Variants in MIOS observed in about 807,000 individuals in gnomAD.
The protein encoded by MIOS is GATOR2 complex protein MIOS.
Under a neutral mutation model 96.9 loss-of-function variants are expected in MIOS, and 52 were observed. The ratio of observed to expected loss-of-function variants is 0.54; its 90% confidence interval spans 0.43 to 0.68. MIOS has a LOEUF of 0.68. Ranked by LOEUF, MIOS falls within the 30% of genes least tolerant of loss-of-function variation. MIOS has a pLI of 0.00. For synonymous variants in MIOS, 397 were observed against 359.5 expected, an observed-to-expected ratio of 1.10 and a Z score of -1.18; for missense variants, 1,005 against 1,052.8, an observed-to-expected ratio of 0.95 and a Z score of 0.63.
intron 11 of MIOS, 84 bp from the exon 12 acceptor site, chr7:7,605,858 C>A: frequency 7.5e-7 from 1 of 1,340,758 alleles, no homozygotes; most frequent in Non-Finnish European, 1.0e-6. Flanking sequence ...ATATTTGGAA[C>A]ACAGTTTTAG....
rs1784560204 is a variant in MIOS at position 7,607,324 on chromosome 7, G to A, written c.*232G>A. 3.0e-6 allele frequency: 1 copy of A among 334,264 alleles called. No individual in the cohort carries two copies. Among genetic ancestry groups the A allele is most frequent in the Non-Finnish European group, 5.4e-6 (1 of 186,058 alleles). 20.7% of individuals were successfully genotyped at this position (334,264 alleles called of 1,614,324 possible). A position where few individuals can be genotyped will look rare whatever the true frequency, so the allele number is the denominator to read the frequency against. On this transcript the variant is annotated 3_prime_UTR_variant, in exon 13 of 13. Transcript: ENST00000340080. ...AGACATGAGTTCTGTTCAGCAGGTT[G>A]AAAAGTCTGATTTAGAAAAACTTTC... is the stretch of plus-strand genomic sequence containing the variant.
chr7:7,592,936 C>G (rs552504340), intron 9 of MIOS, among the ~76,000 whole-genome samples: 37 of 152,178 alleles, frequency 2.4e-4, no homozygotes, highest in Non-Finnish European at 4.6e-4. Flanking sequence ...GATTCCTTAT[C>G]TCTTCACTAA....
At position 7,567,698 on chromosome 7, in the gene MIOS, G is replaced by A. The variant is rs1449802727; in HGVS notation, c.-139+10G>A. On this transcript the variant is annotated intron_variant, in intron 2 of 12. Coordinates refer to ENST00000340080, the MANE Select transcript of MIOS (RefSeq NM_019005.4). ...CTCGTAATTTGCCACGGTAAGAAAAGTAAAAGACAACATCAAAAAGCATGT... is the reference window on the plus strand; with the variant it reads ...CTCGTAATTTGCCACGGTAAGAAAAATAAAAGACAACATCAAAAAGCATGT... The A allele has an allele frequency of 6.6e-6, 1 of 152,200 alleles. No individual in the cohort carries two copies. Among genetic ancestry groups the A allele is most frequent in the Non-Finnish European group, 1.5e-5 (1 of 68,046 alleles). The allele number at this position is 152,200 out of a possible 1,614,324, so 9.4% of individuals were successfully genotyped here. A position where few individuals can be genotyped will look rare whatever the true frequency, so the allele number is the denominator to read the frequency against.
At position 7,603,015 on chromosome 7, in the gene MIOS, A is replaced by G. The variant is rs945479455; in HGVS notation, c.2402-2927A>G. On this transcript the variant is annotated intron_variant, in intron 11 of 12. Transcript: ENST00000340080. ...ATGGTGCTGGGAAAACTGGCTAGCC[A>G]TATGTAGAAAGCTGAAACTGGATCC... Among the ~76,000 whole-genome samples the G allele has an allele frequency of 7.9e-5, 12 of 151,602 alleles. No homozygotes were observed. The South Asian group carries it at 1.0e-3, about 13-fold the overall frequency.
Position 7,573,867 on chromosome 7 carries a change from T to C in MIOS, c.1294+98T>C, listed in dbSNP as rs1458091553. 14 of 1,176,272 alleles carry C rather than the reference T, an allele frequency of 1.2e-5. No homozygotes were observed. Among genetic ancestry groups the C allele is most frequent in the Non-Finnish European group, 1.6e-5 (13 of 835,986 alleles). The allele number at this position is 1,176,272 out of a possible 1,614,324, so 72.9% of individuals were successfully genotyped here. On this transcript the variant is annotated intron_variant, in intron 4 of 12. Coordinates refer to ENST00000340080, the MANE Select transcript of MIOS (RefSeq NM_019005.4). This position sits in a 1 kb window ranked among gnomAD's most constrained non-coding sequence, Gnocchi z 5.0. ...CTGTAAATATGCTCAATGTTTTATA[T>C]ACAAATACAAGTTACATAATACTAA...
Position 7,573,893 on chromosome 7 carries a change from C to T in MIOS, c.1294+124C>T. On this transcript the variant is annotated intron_variant, in intron 4 of 12. Coordinates refer to ENST00000340080, the MANE Select transcript of MIOS (RefSeq NM_019005.4). This position sits in a 1 kb window ranked among gnomAD's most constrained non-coding sequence, Gnocchi z 5.0. Reference sequence around the variant, plus strand: ...ACAAATACAAGTTACATAATACTAACATTATAAAGTAAAATTGTTCTAAAC... The same window carrying T: ...ACAAATACAAGTTACATAATACTAATATTATAAAGTAAAATTGTTCTAAAC... 1 of 1,055,590 alleles carries T rather than the reference C, an allele frequency of 9.5e-7. No homozygotes were observed. The highest frequency in any genetic ancestry group is 1.6e-5 in the African/African-American group (1 of 62,616). 65.4% of individuals were successfully genotyped at this position (1,055,590 alleles called of 1,614,324 possible). A position where few individuals can be genotyped will look rare whatever the true frequency, so the allele number is the denominator to read the frequency against.
chr7:7,579,096 T>C (rs1783629037), intron 5 of MIOS, among the ~76,000 whole-genome samples: 1 of 152,202 alleles, frequency 6.6e-6, no homozygotes, highest in South Asian at 2.1e-4. Flanking sequence ...TATAGGACAG[T>C]CTCAAATTTA....
chr7:7,579,189 A>T (rs1057294053), intron 5 of MIOS, among the ~76,000 whole-genome samples: 2 of 152,240 alleles, frequency 1.3e-5, no homozygotes, highest in Admixed American at 6.5e-5. Context: ...TTAAAAATTT[A>T]TATGTAAAAC....
intron 6 of MIOS, 80 bp downstream of exon 6, chr7:7,583,452 ATAAT>A: frequency 7.3e-7 from 1 of 1,377,716 alleles, no homozygotes; most frequent in Non-Finnish European, 9.6e-7. Context: ...AAAGAGGCTA[ATAAT>A]TTTCAAATAT....
At chr7:7,580,729 CTCTGTCA>C (rs1783687739) in intron 5 of MIOS, among the ~76,000 whole-genome samples, 2 of 141,862 alleles carry the variant, frequency 1.4e-5, no homozygotes, top group Admixed American at 1.4e-4. Flanking sequence ...CAGAATCTCA[CTCTGTCA>C]CCCAGGCTGG....
intron 11 of MIOS, among the ~76,000 whole-genome samples, chr7:7,602,078 T>A (rs1404196853): frequency 6.6e-6 from 1 of 152,118 alleles, no homozygotes; most frequent in Non-Finnish European, 1.5e-5. Flanking sequence ...TATCACGAAA[T>A]AATAAGAGCT....
intron 3 of MIOS, among the ~76,000 whole-genome samples, chr7:7,571,358 G>C (rs1319857582): frequency 6.6e-6 from 1 of 152,138 alleles, no homozygotes; most frequent in African/African-American, 2.4e-5. Flanking sequence ...GTTTGTAGAA[G>C]CGAAAACTGA....
intron 9 of MIOS, among the ~76,000 whole-genome samples, chr7:7,593,956 G>A (rs1033204885): frequency 6.6e-5 from 10 of 150,678 alleles, no homozygotes; most frequent in Non-Finnish European, 1.2e-4. Flanking sequence ...GAATGTCACA[G>A]CTGCCAGGGA....
chr7:7,581,744 G>C (rs765680587), intron 5 of MIOS: 1 of 152,150 alleles, frequency 6.6e-6, no homozygotes, highest in Non-Finnish European at 1.5e-5. Context: ...CCCTCTCAGA[G>C]CACAGCAGCT....
chr7:7,581,178 C>G, intron 5 of MIOS, among the ~76,000 whole-genome samples: 1 of 151,252 alleles, frequency 6.6e-6, no homozygotes, highest in East Asian at 2.0e-4. Flanking sequence ...AAAAATTAGC[C>G]GGGTGTGGTG....
chr7:7,594,877 A>AAAT, intron 9 of MIOS, 103 bp from the exon 10 acceptor site: 2 of 788,376 alleles, frequency 2.5e-6, no homozygotes, highest in South Asian at 3.5e-5. Flanking sequence ...AAAAAAAAAA[A>AAAT]GGCCTATTTC....
intron 11 of MIOS, among the ~76,000 whole-genome samples, chr7:7,600,150 T>C (rs923589352): frequency 2.0e-5 from 3 of 151,718 alleles, no homozygotes; most frequent in African/African-American, 7.3e-5. Flanking sequence ...CCTGCACATG[T>C]ACCCCTGAAA....
Position 7,586,196 on chromosome 7 carries a change from A to G in MIOS, c.1818+391A>G, listed in dbSNP as rs527652880. Among the ~76,000 whole-genome samples the G allele has an allele frequency of 3.0e-3, 439 of 144,214 alleles. 6 individuals carry two copies. The highest frequency in any genetic ancestry group is 0.011 in the Admixed American group (151 of 14,300). 94.6% of individuals were successfully genotyped at this position (144,214 alleles called of 152,430 possible). On this transcript the variant is annotated intron_variant, in intron 7 of 12. Coordinates refer to ENST00000340080, the MANE Select transcript of MIOS (RefSeq NM_019005.4). ...TGTGTGTGTGTGTGTGTGTGTGTGT[A>G]GTTAAATAAAACAACTCACGATTAT...
chr7:7,573,260 C>A lies in MIOS; in HGVS notation c.785C>A (p.Thr262Lys). The change falls in exon 4 of 13, where the codon ACA (threonine) becomes AAA (lysine). Residue 262 changes from threonine (T) to lysine (K), a missense_variant. Thr to Lys is a moderately conservative substitution (Grantham distance 78, BLOSUM62 -1). Transcript: ENST00000340080. The surrounding 1 kb of genome is among the most constrained non-coding windows in gnomAD (Gnocchi z 5.0). Reference protein sequence around the residue: ...DLRKFEKPVLTLTEQPKPLTK... With the variant: ...DLRKFEKPVLKLTEQPKPLTK... ...AGAAAATTTGAGAAGCCAGTTTTGA[C>A]ATTGACTGAGCAACCAAAACCCTTA... 6.2e-7 allele frequency: 1 copy of A among 1,614,114 alleles called. No individual in the cohort carries two copies. The highest frequency in any genetic ancestry group is 8.5e-7 in the Non-Finnish European group (1 of 1,179,988).
Sources: gnomAD v4.1 joint callset for allele counts (sites outside exome capture counted in the v4.1 genomes callset) on GRCh38, gnomAD v4.1.1 for gene constraint, Gnocchi (gnomAD v3.1) non-coding constraint, MANE v1.5 for transcripts, NCBI Gene and HGNC (gene_info 2026-07-23, HGNC 2026-07-21) for gene names.